Variants in PIGL observed in about 807,000 individuals in gnomAD.
PIGL encodes phosphatidylinositol glycan anchor biosynthesis class L.
Under a neutral mutation model 31.1 loss-of-function variants are expected in PIGL, and 22 were observed. That is an observed-to-expected ratio of 0.71 (90% CI 0.51 to 1.01). PIGL has a LOEUF of 1.01. Among genes scored for constraint, PIGL ranks in the 50% least tolerant of loss-of-function variants. The pLI is 0.00. For synonymous variants in PIGL, 131 were observed against 117.4 expected (o/e 1.12, Z -0.75); for missense variants, 302 against 315.9 (o/e 0.96, Z 0.33).
chr17:16,303,082 G>A (rs2093011670), intron 3 of PIGL, among the ~76,000 whole-genome samples: 1 of 152,150 alleles, frequency 6.6e-6, no homozygotes, highest in South Asian at 2.1e-4. Flanking sequence ...AGCTCTGTGT[G>A]CCATTCTTGC....
intron 2 of PIGL, among the ~76,000 whole-genome samples, chr17:16,252,367 C>T (rs549184340): frequency 6.6e-6 from 1 of 152,094 alleles, no homozygotes; most frequent in Admixed American, 6.5e-5. Context: ...CCACCCCACC[C>T]GGCCTCTTTT....
intron 2 of PIGL, among the ~76,000 whole-genome samples, chr17:16,297,372 T>C (rs1477512705): frequency 6.6e-6 from 1 of 152,184 alleles, no homozygotes; most frequent in Non-Finnish European, 1.5e-5. Context: ...TCCCCCTCTT[T>C]GAGGTTTATC....
In PIGL at chr17:16,295,005, C is replaced by G. The variant is rs188466500; in HGVS notation, c.336-4883C>G. On this transcript the variant is annotated intron_variant, in intron 2 of 6. Transcript: ENST00000225609. The stretch of plus-strand genomic sequence containing the variant: ...CTTCCCATACAGTGGGTAAACAGGT[C>G]TCTATATTAAATTCCTTCTGAAATA... Among the ~76,000 whole-genome samples, 353 of 152,298 alleles carry G rather than the reference C, an allele frequency of 2.3e-3. 8 individuals are homozygous for G. The highest frequency in any genetic ancestry group is 0.02 in the Admixed American group (306 of 15,282).
chr17:16,229,739 G>A (rs1350470290), intron 1 of PIGL, among the ~76,000 whole-genome samples: 1 of 151,678 alleles, frequency 6.6e-6, no homozygotes, highest in Non-Finnish European at 1.5e-5. Context: ...TGATGACTAA[G>A]GATGATGAGC....
intron 1 of PIGL, 45 bp from the exon 2 acceptor site, chr17:16,233,926 C>A: frequency 9.4e-7 from 1 of 1,064,392 alleles, no homozygotes; most frequent in South Asian, 1.3e-5. Flanking sequence ...TAGGTCTCCA[C>A]TGTTAAAAAA....
In PIGL at chr17:16,217,359, C is replaced by A. The variant is rs1217177831; in HGVS notation, c.133C>A (p.Leu45Met). The A allele has an allele frequency of 1.2e-6, 2 of 1,614,200 alleles. No homozygotes were observed. Among genetic ancestry groups the A allele is most frequent in the Non-Finnish European group, 8.5e-7 (1 of 1,180,028 alleles). The change falls in exon 1 of 7, where the codon CTG becomes ATG. Residue 45 changes from leucine (L) to methionine (M), a missense_variant. Coordinates refer to ENST00000225609, the MANE Select transcript of PIGL (RefSeq NM_004278.4). ...GRLGAESRTL[L>M]VIAHPDDEAM... ...GCTGGGAGCCGAAAGCCGGACCCTG[C>A]TGGTCATAGCGCACCCTGACGATGA...
chr17:16,267,694 CAAAAAAAA>C (rs2092850660), intron 2 of PIGL, among the ~76,000 whole-genome samples: 1 of 137,294 alleles, frequency 7.3e-6, no homozygotes, highest in African/African-American at 3.0e-5. Flanking sequence ...GACTCCATAT[CAAAAAAAA>C]GAAAAAAAGA....
chr17:16,257,682 C>T (rs1267860925), intron 2 of PIGL, among the ~76,000 whole-genome samples: 1 of 151,030 alleles, frequency 6.6e-6, no homozygotes, highest in Non-Finnish European at 1.5e-5. Context: ...GAAATTGATG[C>T]TATTTAATTT....
intron 2 of PIGL, among the ~76,000 whole-genome samples, chr17:16,234,297 C>T (rs1339750977): frequency 6.6e-6 from 1 of 151,520 alleles, no homozygotes; most frequent in Non-Finnish European, 1.5e-5. Context: ...CGCATCTCTA[C>T]TAAAAATACA....
intron 2 of PIGL, among the ~76,000 whole-genome samples, chr17:16,259,130 T>C (rs2092809214): frequency 1.3e-5 from 2 of 152,222 alleles, no homozygotes; most frequent in African/African-American, 4.8e-5. Flanking sequence ...GGTACAACTG[T>C]TATGATCAGA....
At chr17:16,307,043 C>T (rs568570979) in intron 3 of PIGL, among the ~76,000 whole-genome samples, 2 of 152,288 alleles carry the variant, frequency 1.3e-5, no homozygotes, top group South Asian at 2.1e-4. Context: ...GAAATGAAAG[C>T]GAGAGGGTTC....
rs568119850 is a variant in PIGL, at chr17:16,224,495, C to T, written c.235+7034C>T. Among the ~76,000 whole-genome samples the T allele has an allele frequency of 4.6e-5, 7 of 150,914 alleles. 1 individual carries two copies. The highest frequency in any genetic ancestry group is 1.2e-4 in the African/African-American group (5 of 41,176). On this transcript the variant is annotated intron_variant, in intron 1 of 6. Transcript: ENST00000225609. ...CTAATTTTTGTATTTTTAGTAGAGA[C>T]GGGATTTTGCCATGTTGGCCAGGCT...
chr17:16,296,637 G>T (rs1234368291), intron 2 of PIGL, among the ~76,000 whole-genome samples: 1 of 150,548 alleles, frequency 6.6e-6, no homozygotes, highest in Admixed American at 6.6e-5. Flanking sequence ...AAGAAAGAAA[G>T]ACTGGGGAGT....
intron 5 of PIGL, 163 bp downstream of exon 5, chr17:16,316,875 G>A (rs555447289): frequency 4.3e-6 from 6 of 1,407,480 alleles, no homozygotes; most frequent in Non-Finnish European, 4.7e-6. Context: ...TACCTGGCAG[G>A]TTGTATCTAC....
chr17:16,285,932 G>A (rs1360770882), intron 2 of PIGL, among the ~76,000 whole-genome samples: 1 of 152,176 alleles, frequency 6.6e-6, no homozygotes, highest in African/African-American at 2.4e-5. Flanking sequence ...GAGCAGCGAC[G>A]CTAGTGCCAG....
chr17:16,298,815 G>A (rs1163831269), intron 2 of PIGL, among the ~76,000 whole-genome samples: 2 of 152,080 alleles, frequency 1.3e-5, no homozygotes, highest in Non-Finnish European at 2.9e-5. Flanking sequence ...ATCACCTGAG[G>A]TCAGGAGTTC....
intron 3 of PIGL, among the ~76,000 whole-genome samples, chr17:16,310,032 C>T (rs1250125063): frequency 7.0e-6 from 1 of 142,302 alleles, no homozygotes; most frequent in African/African-American, 2.6e-5. Flanking sequence ...GAGCCAAGAT[C>T]GCACCACTGC....
Position 16,307,205 on chromosome 17 carries a change from A to C in PIGL, c.427-6342A>C, listed in dbSNP as rs1452032590. Reference sequence around the variant, plus strand: ...TTCCCAATGATTCCTGAATCTCATGATGGCCAGAAGCCGGTCTCCTCATGG... The same window carrying C: ...TTCCCAATGATTCCTGAATCTCATGCTGGCCAGAAGCCGGTCTCCTCATGG... On this transcript the variant is annotated intron_variant, in intron 3 of 6. Coordinates refer to ENST00000225609, the MANE Select transcript of PIGL (RefSeq NM_004278.4). Among the ~76,000 whole-genome samples the C allele has an allele frequency of 2.0e-5, 3 of 152,184 alleles. No individual in the cohort carries two copies. In the East Asian group the frequency reaches 5.8e-4, roughly 29 times the overall value.
chr17:16,239,593 G>A (rs1463653229), intron 2 of PIGL, among the ~76,000 whole-genome samples: 1 of 152,206 alleles, frequency 6.6e-6, no homozygotes, highest in Admixed American at 6.5e-5. Context: ...GAACCTTCAT[G>A]ATATCATACA....
Sources: gnomAD v4.1 joint callset for allele counts (sites outside exome capture counted in the v4.1 genomes callset) on GRCh38, gnomAD v4.1.1 for gene constraint, MANE v1.5 for transcripts, NCBI Gene and HGNC (gene_info 2026-07-23, HGNC 2026-07-21) for gene names.